Variants in DEK observed in about 807,000 individuals in gnomAD.
DEK encodes the protein protein DEK.
DEK carries 28 observed loss-of-function variants against 46.8 expected under a neutral mutation model. The ratio of observed to expected loss-of-function variants is 0.60; its 90% CI spans 0.44 to 0.82. DEK has a LOEUF of 0.82. Among genes scored for constraint, DEK ranks in the 40% least tolerant of loss-of-function variants. DEK has a pLI of 0.00. For missense variants in DEK, 416 were observed against 430.6 expected (o/e 0.97, Z 0.30); for synonymous variants, 160 against 144.5 (o/e 1.11, Z -0.77).
chr6:18,254,016 A>C (rs1291932558), intron 6 of DEK, among the ~76,000 whole-genome samples: 1 of 152,030 alleles, frequency 6.6e-6, no homozygotes, highest in African/African-American at 2.4e-5. Flanking sequence ...CATAGATTTT[A>C]AACAAAACAA....
At chr6:18,253,295 A>G (rs1410296222) in intron 6 of DEK, among the ~76,000 whole-genome samples, 1 of 152,208 alleles carries the variant, frequency 6.6e-6, no homozygotes, top group Non-Finnish European at 1.5e-5. Context: ...CACTTCAAGG[A>G]AAACTGAGAG....
At chr6:18,254,802 C>T (rs1307760010) in intron 6 of DEK, among the ~76,000 whole-genome samples, 1 of 152,168 alleles carries the variant, frequency 6.6e-6, no homozygotes, top group African/African-American at 2.4e-5. Context: ...TGTCTTTAAA[C>T]AAGCCAATTT....
At chr6:18,239,993 T>C (rs1020513801) in intron 7 of DEK, among the ~76,000 whole-genome samples, 2 of 152,186 alleles carry the variant, frequency 1.3e-5, no homozygotes, top group Admixed American at 6.5e-5. Context: ...GGGTTGAAGG[T>C]TGAGCAAAAG....
chr6:18,226,976 GCTCGTTAA>G lies in DEK; in HGVS notation c.1048-742_1048-735del, dbSNP rs1790157106. ...TTAAACAGATGCTTGAAGGCAGCAT[GCTCGTTAA>G]CAGTCATCACCACTCCCTAATCTCA... On this transcript the variant is annotated intron_variant, in intron 9 of 10. Transcript: ENST00000652689. Among the ~76,000 whole-genome samples, 3 of 151,378 alleles carry G rather than the reference GCTCGTTAA, an allele frequency of 2.0e-5. No homozygotes were observed. In the South Asian group the frequency reaches 6.2e-4, roughly 31 times the overall value.
intron 6 of DEK, among the ~76,000 whole-genome samples, chr6:18,253,720 A>G (rs1305526404): frequency 6.6e-6 from 1 of 152,120 alleles, no homozygotes; most frequent in Non-Finnish European, 1.5e-5. Flanking sequence ...GGTTTTCTTC[A>G]TATACTTATT....
At chr6:18,234,014 A>T (rs1018761284) in intron 9 of DEK, among the ~76,000 whole-genome samples, 2 of 152,288 alleles carry the variant, frequency 1.3e-5, no homozygotes, top group African/African-American at 4.8e-5. Flanking sequence ...GCCATAAAAA[A>T]GGATGAGTTC....
chr6:18,245,035 T>C (rs1387817690), intron 7 of DEK, among the ~76,000 whole-genome samples: 1 of 152,206 alleles, frequency 6.6e-6, no homozygotes, highest in Non-Finnish European at 1.5e-5. Context: ...TCTGCCTTCC[T>C]CTTATAAAGG....
In DEK at chr6:18,256,391, T is replaced by C. The variant is rs1224644313; in HGVS notation, c.422A>G (p.Gln141Arg). The C allele has an allele frequency of 1.2e-6, 2 of 1,613,540 alleles. No individual in the cohort carries two copies. The highest frequency in any genetic ancestry group is 8.5e-7 in the Non-Finnish European group (1 of 1,179,728). ...CAACATTTCTTCCTTCTTTTTATAT[T>C]GGACACTTCCTTTTTCAAATGGAAA... ...SGFPFEKGSV[Q>R]YKKKEEMLKK... Residue 141 changes from glutamine (Q) to arginine (R), a missense_variant, in exon 5 of 11, where the codon CAA (glutamine) becomes CGA (arginine). By Grantham distance (43) the Gln-to-Arg change is conservative (BLOSUM62 1). Coordinates refer to ENST00000652689, the MANE Select transcript of DEK (RefSeq NM_003472.4).
chr6:18,240,945 C>T (rs1256667338), intron 7 of DEK, among the ~76,000 whole-genome samples: 1 of 152,178 alleles, frequency 6.6e-6, no homozygotes, highest in African/African-American at 2.4e-5. Context: ...GGCCCGCAAA[C>T]ATCTATAGTA....
At chr6:18,243,437 A>G (rs1258479255) in intron 7 of DEK, among the ~76,000 whole-genome samples, 1 of 152,136 alleles carries the variant, frequency 6.6e-6, no homozygotes, top group African/African-American at 2.4e-5. Flanking sequence ...AACAATGCCC[A>G]GCTTCATGGG....
intron 7 of DEK, among the ~76,000 whole-genome samples, chr6:18,247,621 G>C (rs1791179742): frequency 6.6e-6 from 1 of 151,846 alleles, no homozygotes; most frequent in African/African-American, 2.4e-5. Context: ...TACCTCTACA[G>C]AACTATGGGA....
chr6:18,245,585 TG>T (rs1405474068), intron 7 of DEK, among the ~76,000 whole-genome samples: 5 of 152,246 alleles, frequency 3.3e-5, no homozygotes, highest in African/African-American at 1.2e-4. Context: ...TAGGATAAGA[TG>T]AAAAAGAAAT....
At chr6:18,256,902 G>A (rs762259311) in intron 4 of DEK, among the ~76,000 whole-genome samples, 67 of 152,224 alleles carry the variant, frequency 4.4e-4, no homozygotes, top group Admixed American at 3.9e-4. Flanking sequence ...AGCTAATACC[G>A]TTCACTAGTT....
At chr6:18,230,438 T>G (rs1474169591) in intron 9 of DEK, among the ~76,000 whole-genome samples, 1 of 152,050 alleles carries the variant, frequency 6.6e-6, no homozygotes, top group African/African-American at 2.4e-5. Flanking sequence ...ACTGACAAAC[T>G]GGATAAAGAG....
intron 7 of DEK, among the ~76,000 whole-genome samples, chr6:18,241,339 G>A (rs1464302204): frequency 3.3e-5 from 5 of 152,126 alleles, no homozygotes; most frequent in Admixed American, 1.3e-4. Context: ...GTTAAACAAT[G>A]TCCCCTTTAA....
chr6:18,227,584 C>T (rs747540425), intron 9 of DEK, among the ~76,000 whole-genome samples: 2 of 152,064 alleles, frequency 1.3e-5, no homozygotes, highest in Non-Finnish European at 2.9e-5. Flanking sequence ...GAACGCTGGT[C>T]CCCTGAGTCC....
In DEK at chr6:18,249,810, G is replaced by C. The variant is rs746085365; in HGVS notation, c.603C>G (p.Ser201Arg). 1 of 1,598,600 alleles carries C rather than the reference G, an allele frequency of 6.3e-7. No individual in the cohort carries two copies. The highest frequency in any genetic ancestry group is 8.5e-7 in the Non-Finnish European group (1 of 1,175,932). ...KPLPKSKKTCSKGSKKERNSS... is the reference protein window; with the variant it reads ...KPLPKSKKTCRKGSKKERNSS... The stretch of plus-strand genomic sequence containing the variant: ...TGTTCCGTTCCTTTTTACTGCCTTT[G>C]CTACAAGTTTTTTTAGATTTCGGCA... The change falls in exon 7 of 11, where the codon AGC becomes AGG. Residue 201 changes from serine to arginine, a missense_variant. Coordinates refer to ENST00000652689, the MANE Select transcript of DEK (RefSeq NM_003472.4).
intron 7 of DEK, among the ~76,000 whole-genome samples, chr6:18,245,387 A>G (rs1791067966): frequency 6.6e-6 from 1 of 152,196 alleles, no homozygotes; most frequent in African/African-American, 2.4e-5. Context: ...CATGAAAGAA[A>G]AATAAACTCC....
chr6:18,249,979 T>C, intron 6 of DEK, 140 bp from the exon 7 acceptor site: 5 of 1,327,598 alleles, frequency 3.8e-6, no homozygotes, highest in Non-Finnish European at 5.0e-6. Flanking sequence ...CAGAGAATAA[T>C]CTTTAACCGT....
Sources: gnomAD v4.1 joint callset for allele counts (sites outside exome capture counted in the v4.1 genomes callset) on GRCh38, gnomAD v4.1.1 for gene constraint, MANE v1.5 for transcripts, NCBI Gene and HGNC (gene_info 2026-07-23, HGNC 2026-07-21) for gene names.